FAM171A1: variants seen among roughly 807,000 people sequenced by gnomAD.
FAM171A1 encodes protein FAM171A1.
Under a neutral mutation model 74.9 loss-of-function variants are expected in FAM171A1, and 23 were observed. The ratio of observed to expected loss-of-function variants is 0.31; its 90% CI spans 0.22 to 0.44. The LOEUF (loss-of-function observed/expected upper bound fraction) is 0.44, where lower values mean the gene tolerates loss of function less well. Among genes scored for constraint, FAM171A1 ranks in the 20% least tolerant of loss-of-function variants. FAM171A1 has a pLI of 1.00. For missense variants in FAM171A1, 1,162 were observed against 1,159.2 expected (o/e 1.00, Z -0.03); for synonymous variants, 527 against 505.7 (o/e 1.04, Z -0.57).
chr10:15,370,918 G>T, intron 1 of FAM171A1, 38 bp downstream of exon 1: 1 of 1,003,702 alleles, frequency 1.0e-6, no homozygotes, highest in Non-Finnish European at 1.2e-6. Context: ...CAGGCCCGGC[G>T]CGACACAAAG....
At chr10:15,221,938 C>A (rs1443606613) in intron 5 of FAM171A1, among the ~76,000 whole-genome samples, 1 of 152,184 alleles carries the variant, frequency 6.6e-6, no homozygotes, top group Non-Finnish European at 1.5e-5. Flanking sequence ...TTTCTAGGAG[C>A]AAACTCATTG....
chr10:15,283,211 TG>T (rs1312285251), intron 2 of FAM171A1, among the ~76,000 whole-genome samples: 5 of 152,154 alleles, frequency 3.3e-5, no homozygotes, highest in African/African-American at 1.2e-4. Context: ...TAGGAAAACG[TG>T]GTGTGGCCAG....
At chr10:15,305,664 T>TAAAAAAAA (rs59843893) in intron 1 of FAM171A1, among the ~76,000 whole-genome samples, 10 of 52,934 alleles carry the variant, frequency 1.9e-4, no homozygotes, top group African/African-American at 2.2e-4. Flanking sequence ...GAGATCTGGC[T>TAAAAAAAA]AAAAAAAAAA....
chr10:15,264,164 G>A (rs1434266751), intron 3 of FAM171A1, among the ~76,000 whole-genome samples: 1 of 151,970 alleles, frequency 6.6e-6, no homozygotes, highest in Non-Finnish European at 1.5e-5. Context: ...TATTTTTCGG[G>A]TCTTGCTATG....
At chr10:15,304,870 G>A (rs566948852) in intron 1 of FAM171A1, among the ~76,000 whole-genome samples, 2 of 152,314 alleles carry the variant, frequency 1.3e-5, no homozygotes, top group East Asian at 1.9e-4. Context: ...CCAAGTAGCT[G>A]GGATTCCAGG....
chr10:15,347,620 A>G (rs1835831514), intron 1 of FAM171A1, among the ~76,000 whole-genome samples: 1 of 151,892 alleles, frequency 6.6e-6, no homozygotes, highest in African/African-American at 2.4e-5. Context: ...AGTGGATGAC[A>G]AAGTCAAGAG....
At chr10:15,331,295 G>A (rs943799390) in intron 1 of FAM171A1, among the ~76,000 whole-genome samples, 10 of 152,106 alleles carry the variant, frequency 6.6e-5, no homozygotes, top group Non-Finnish European at 1.5e-4. Context: ...AAGAAGCTGC[G>A]GCCTAGAAAA....
At chr10:15,309,402 C>G (rs190980064) in intron 1 of FAM171A1, among the ~76,000 whole-genome samples, 47 of 152,264 alleles carry the variant, frequency 3.1e-4, no homozygotes, top group Non-Finnish European at 5.6e-4. Flanking sequence ...GAGATGGGGT[C>G]TCACTATGTT....
chr10:15,271,866 C>A (rs180936423), intron 3 of FAM171A1, among the ~76,000 whole-genome samples: 1 of 152,140 alleles, frequency 6.6e-6, no homozygotes, highest in South Asian at 2.1e-4. Flanking sequence ...GCCTGCCTTA[C>A]AAGAGCTCCT....
chr10:15,292,127 T>C (rs1001908993), intron 1 of FAM171A1, among the ~76,000 whole-genome samples: 2 of 152,100 alleles, frequency 1.3e-5, no homozygotes, highest in African/African-American at 2.4e-5. Context: ...GTGGAAGGGA[T>C]GAGGGGGCTC....
At chr10:15,243,836 T>G (rs565599239) in intron 5 of FAM171A1, among the ~76,000 whole-genome samples, 105 of 152,184 alleles carry the variant, frequency 6.9e-4, no homozygotes, top group Non-Finnish European at 1.4e-3. Flanking sequence ...AAGCTCTGCC[T>G]CCCGGGTTTA....
At chr10:15,264,224 C>G (rs1213297292) in intron 3 of FAM171A1, among the ~76,000 whole-genome samples, 2 of 152,146 alleles carry the variant, frequency 1.3e-5, no homozygotes, top group Non-Finnish European at 1.5e-5. Flanking sequence ...TACCAAAGTG[C>G]CTTGACCTTG....
At chr10:15,274,301 T>C (rs1255991198) in intron 3 of FAM171A1, among the ~76,000 whole-genome samples, 1 of 151,916 alleles carries the variant, frequency 6.6e-6, no homozygotes, top group East Asian at 1.9e-4. Flanking sequence ...ACAAAGAGAA[T>C]AAAATACCTA....
At chr10:15,327,084 C>T (rs962503114) in intron 1 of FAM171A1, among the ~76,000 whole-genome samples, 5 of 152,154 alleles carry the variant, frequency 3.3e-5, no homozygotes, top group Admixed American at 6.5e-5. Flanking sequence ...TTAGATCAAG[C>T]ATTCCCTTAA....
intron 1 of FAM171A1, among the ~76,000 whole-genome samples, chr10:15,343,037 C>A (rs1192425391): frequency 6.6e-6 from 1 of 152,192 alleles, no homozygotes; most frequent in Non-Finnish European, 1.5e-5. Context: ...AGTGGGTCCC[C>A]AGCCTGGCTG....
chr10:15,216,141 T>G, intron 6 of FAM171A1, 31 bp from the exon 7 acceptor site: 1 of 1,371,460 alleles, frequency 7.3e-7, no homozygotes, highest in Non-Finnish European at 1.0e-6. Context: ...ATTTAGAGTT[T>G]TGAACACCTT....
At chr10:15,372,273 T>C (rs1475123399), upstream of FAM171A1, among the ~76,000 whole-genome samples, 1 of 152,092 alleles carries the variant, frequency 6.6e-6, no homozygotes, top group Non-Finnish European at 1.5e-5. Flanking sequence ...ATCCCCCCCA[T>C]TCACAGATGA....
upstream of FAM171A1, among the ~76,000 whole-genome samples, chr10:15,372,064 G>A (rs941409042): frequency 9.2e-5 from 14 of 152,186 alleles, no homozygotes; most frequent in Non-Finnish European, 1.5e-4. Flanking sequence ...GCAGGACAGG[G>A]CGGATGGGGA....
intron 5 of FAM171A1, among the ~76,000 whole-genome samples, chr10:15,221,831 G>C (rs1340557345): frequency 1.3e-5 from 2 of 152,072 alleles, no homozygotes; most frequent in Non-Finnish European, 2.9e-5. Flanking sequence ...AGAACCTGGG[G>C]CTGCCTGACC....
Sources: allele counts gnomAD v4.1 joint callset (sites outside exome capture counted in the v4.1 genomes callset), GRCh38; gene constraint gnomAD v4.1.1; transcripts MANE v1.5; gene names NCBI Gene and HGNC (gene_info 2026-07-23, HGNC 2026-07-21).